The following TMPRSS11E variants were observed in gnomAD, a reference collection of about 807,000 sequenced individuals.
The protein encoded by TMPRSS11E is transmembrane serine protease 11E, also known as transmembrane protease serine 11E.
A neutral mutation model predicts 48.1 loss-of-function variants in TMPRSS11E; 38 were observed. That is an observed-to-expected ratio of 0.79 (90% CI 0.61 to 1.04). TMPRSS11E has a LOEUF of 1.04. Ranked by LOEUF, TMPRSS11E falls within the 50% of genes least tolerant of loss-of-function variation. The probability of loss-of-function intolerance (pLI) is 0.00; values close to 1 mark genes in which losing one functional copy is unlikely to be tolerated. For synonymous variants in TMPRSS11E, 158 were observed against 171.9 expected, an observed-to-expected ratio of 0.92 and a Z score of 0.63; for missense variants, 530 against 510.8, an observed-to-expected ratio of 1.04 and a Z score of -0.36.
intron 1 of TMPRSS11E, among the ~76,000 whole-genome samples, chr4:68,448,020 A>G (rs1728389426): frequency 6.6e-6 from 1 of 152,008 alleles, no homozygotes; most frequent in Non-Finnish European, 1.5e-5. Flanking sequence ...AATATGACTA[A>G]ATTATTATAG....
intron 2 of TMPRSS11E, among the ~76,000 whole-genome samples, chr4:68,464,260 A>G (rs1305554788): frequency 1.3e-5 from 2 of 152,234 alleles, no homozygotes; most frequent in Admixed American, 1.3e-4. Context: ...AACCAAAAAA[A>G]TCTGTCACAG....
chr4:68,485,463 A>T (rs911560675), intron 9 of TMPRSS11E, among the ~76,000 whole-genome samples: 2 of 152,098 alleles, frequency 1.3e-5, no homozygotes, highest in African/African-American at 4.8e-5. Context: ...ATTTATTTTC[A>T]TATGTTGAAC....
intron 9 of TMPRSS11E, among the ~76,000 whole-genome samples, chr4:68,489,610 G>A (rs1201349500): frequency 6.6e-6 from 1 of 152,202 alleles, no homozygotes; most frequent in East Asian, 1.9e-4. Flanking sequence ...AGTGCATGCT[G>A]GTGGGCGCTC....
intron 6 of TMPRSS11E, 114 bp downstream of exon 6, chr4:68,474,875 A>G: frequency 3.5e-6 from 3 of 861,858 alleles, no homozygotes; most frequent in Non-Finnish European, 5.4e-6. Flanking sequence ...ATAAAGTTTG[A>G]TTAATTTGTG....
chr4:68,471,495 T>C lies in TMPRSS11E; in HGVS notation c.362T>C (p.Leu121Ser), dbSNP rs1256205304. The change falls in exon 5 of 10, where the codon TTG becomes TCG. Residue 121 changes from leucine (L) to serine (S), a missense_variant. Coordinates refer to ENST00000305363, the MANE Select transcript of TMPRSS11E (RefSeq NM_014058.4). ...QKHGVLAHML[L>S]ICRFHSTEDP... ...CATGGAGTGTTGGCTCATATGCTGTTGATTTGTAGATTTCACTCTACTGAG... is the reference window on the plus strand; with the variant it reads ...CATGGAGTGTTGGCTCATATGCTGTCGATTTGTAGATTTCACTCTACTGAG... The C allele has an allele frequency of 6.9e-6, 11 of 1,598,336 alleles. No individual in the cohort carries two copies. The highest frequency in any genetic ancestry group is 9.4e-6 in the Non-Finnish European group (11 of 1,173,968).
chr4:68,455,934 C>A (rs1728617276), intron 1 of TMPRSS11E, among the ~76,000 whole-genome samples: 1 of 151,972 alleles, frequency 6.6e-6, no homozygotes, highest in Non-Finnish European at 1.5e-5. Flanking sequence ...AAACCCATAA[C>A]TAATTACTTA....
intron 1 of TMPRSS11E, among the ~76,000 whole-genome samples, chr4:68,455,317 G>T (rs1440440429): frequency 6.6e-6 from 1 of 151,936 alleles, no homozygotes; most frequent in East Asian, 1.9e-4. Flanking sequence ...TAGCTTGGAT[G>T]AAAATTGAAG....
intron 8 of TMPRSS11E, 24 bp from the exon 9 acceptor site, chr4:68,478,825 T>C: frequency 6.2e-7 from 1 of 1,610,824 alleles, no homozygotes; most frequent in East Asian, 2.2e-5. Context: ...TGTCTACAAA[T>C]ACAAAGACTT....
intron 9 of TMPRSS11E, among the ~76,000 whole-genome samples, chr4:68,487,614 G>A (rs1472191436): frequency 6.6e-6 from 1 of 151,982 alleles, no homozygotes; most frequent in East Asian, 1.9e-4. Context: ...AGGCAAGTCT[G>A]GTGGTAATAA....
chr4:68,460,473 T>G (rs1263068283), intron 1 of TMPRSS11E, among the ~76,000 whole-genome samples: 2 of 152,172 alleles, frequency 1.3e-5, no homozygotes, highest in East Asian at 1.9e-4. Flanking sequence ...GCTCAGAGTT[T>G]AAATGATTTT....
intron 2 of TMPRSS11E, among the ~76,000 whole-genome samples, chr4:68,463,463 G>A (rs1283546795): frequency 6.6e-6 from 1 of 152,042 alleles, no homozygotes. Context: ...CACCACACCC[G>A]GCTAATTTTT....
At chr4:68,483,333 C>T (rs1301802325) in intron 9 of TMPRSS11E, among the ~76,000 whole-genome samples, 1 of 152,178 alleles carries the variant, frequency 6.6e-6, no homozygotes, top group Non-Finnish European at 1.5e-5. Flanking sequence ...GCAAAGACAG[C>T]ACTATGCTGT....
At chr4:68,487,138 A>G (rs571150623) in intron 9 of TMPRSS11E, among the ~76,000 whole-genome samples, 1 of 152,196 alleles carries the variant, frequency 6.6e-6, no homozygotes, top group East Asian at 1.9e-4. Flanking sequence ...TATAATATTG[A>G]TATGTGAAGA....
chr4:68,490,451 G>C, intron 9 of TMPRSS11E, among the ~76,000 whole-genome samples: 1 of 152,064 alleles, frequency 6.6e-6, no homozygotes, highest in East Asian at 1.9e-4. Flanking sequence ...CAGAGGGAGG[G>C]GGATGTATGA....
intron 1 of TMPRSS11E, among the ~76,000 whole-genome samples, chr4:68,449,081 C>T (rs10518054): frequency 0.24 from 35,823 of 151,220 alleles, 4,592 homozygotes; most frequent in Middle Eastern, 0.3. Context: ...AGTCAGATTT[C>T]GGATAGCCTT....
intron 9 of TMPRSS11E, among the ~76,000 whole-genome samples, chr4:68,484,571 G>C (rs2708684): frequency 0.66 from 100,615 of 152,088 alleles, 33,661 homozygotes; most frequent in East Asian, 0.87. Flanking sequence ...GCCTCCTAAA[G>C]TGCTGGGATT....
At chr4:68,469,956 G>T (rs1005337725) in intron 4 of TMPRSS11E, among the ~76,000 whole-genome samples, 1 of 151,770 alleles carries the variant, frequency 6.6e-6, no homozygotes, top group Admixed American at 6.6e-5. Context: ...TTTCCAATTT[G>T]CTCACCTCTT....
intron 1 of TMPRSS11E, among the ~76,000 whole-genome samples, chr4:68,453,935 A>G (rs1426246048): frequency 1.3e-5 from 2 of 151,886 alleles, no homozygotes; most frequent in Non-Finnish European, 2.9e-5. Context: ...ACTAGCACAT[A>G]TGTATTCTAA....
At chr4:68,459,994 T>C (rs1350914656) in intron 1 of TMPRSS11E, among the ~76,000 whole-genome samples, 1 of 152,170 alleles carries the variant, frequency 6.6e-6, no homozygotes, top group Non-Finnish European at 1.5e-5. Flanking sequence ...ATTGCAGTAA[T>C]TGACATTCTA....
Sources: gnomAD v4.1 joint callset for allele counts (sites outside exome capture counted in the v4.1 genomes callset) on GRCh38, gnomAD v4.1.1 for gene constraint, MANE v1.5 for transcripts, NCBI Gene and HGNC (gene_info 2026-07-23, HGNC 2026-07-21) for gene names.